ANO3: variants seen among roughly 807,000 people sequenced by gnomAD.
The protein encoded by ANO3 is anoctamin 3, also known as anoctamin-3.
Under a neutral mutation model 144.8 loss-of-function variants are expected in ANO3, and 99 were observed. The ratio of observed to expected loss-of-function variants is 0.68; its 90% CI spans 0.58 to 0.81. The LOEUF (loss-of-function observed/expected upper bound fraction) is 0.81, where lower values mean the gene tolerates loss of function less well. Among genes scored for constraint, ANO3 ranks in the 30% least tolerant of loss-of-function variants. The pLI, the probability that ANO3 is intolerant of heterozygous loss-of-function variation, is 0.00. For missense variants in ANO3, 905 were observed against 1,202.2 expected, an observed-to-expected ratio of 0.75 and a Z score of 3.66; for synonymous variants, 414 against 392.6, an observed-to-expected ratio of 1.05 and a Z score of -0.64.
intron 1 of ANO3, among the ~76,000 whole-genome samples, chr11:26,371,133 G>A (rs1468336921): frequency 6.6e-6 from 1 of 152,104 alleles, no homozygotes; most frequent in Non-Finnish European, 1.5e-5. Context: ...CAGGCCAAGG[G>A]GCATCCAGCT....
intron 21 of ANO3, 72 bp downstream of exon 21, chr11:26,639,313 G>A: frequency 8.7e-7 from 1 of 1,152,380 alleles, no homozygotes; most frequent in South Asian, 1.3e-5. Context: ...CGTGAGTAGT[G>A]CTTAAGAATT....
chr11:26,200,596 G>A (rs1203196392), intron 1 of ANO3, among the ~76,000 whole-genome samples: 1 of 152,104 alleles, frequency 6.6e-6, no homozygotes, highest in Non-Finnish European at 1.5e-5. Flanking sequence ...TAACTGATAG[G>A]TTATTGATAA....
Position 26,517,952 on chromosome 11 carries a change from A to G in ANO3, c.692+1025A>G, listed in dbSNP as rs1208194607. On this transcript the variant is annotated intron_variant, in intron 6 of 26. Coordinates refer to ENST00000256737, the MANE Select transcript of ANO3 (RefSeq NM_031418.4). Reference sequence around the variant, plus strand: ...AAACTACTAAGGAATCCTCTTGACAATATTAGAATTAAACACCTAAATTAG... The same window carrying G: ...AAACTACTAAGGAATCCTCTTGACAGTATTAGAATTAAACACCTAAATTAG... 2.0e-5 allele frequency among the ~76,000 whole-genome samples: 3 copies of G among 152,054 alleles called. No homozygotes were observed. The East Asian group carries it at 5.8e-4, about 29-fold the overall frequency.
Position 26,339,812 on chromosome 11 carries a change from G to A in ANO3, c.46+7491G>A, listed in dbSNP as rs563911925. On this transcript the variant is annotated intron_variant, in intron 1 of 26. Coordinates refer to ENST00000256737, the MANE Select transcript of ANO3 (RefSeq NM_031418.4). ...TGAAATAATATTCTTAACCTGTAGC[G>A]TATTAGTACAACCATCCTGGCTGTC... Among the ~76,000 whole-genome samples the A allele has an allele frequency of 4.6e-5, 7 of 152,256 alleles. No homozygotes were observed. In the South Asian group the frequency reaches 6.2e-4, roughly 14 times the overall value.
chr11:26,481,980 A>AGTCCTGG (rs1408970656), intron 4 of ANO3, among the ~76,000 whole-genome samples: 1 of 151,928 alleles, frequency 6.6e-6, no homozygotes, highest in Admixed American at 6.6e-5. Context: ...GCAGCCTCGA[A>AGTCCTGG]GTCCTGGGCT....
chr11:26,374,871 G>A (rs979065759), intron 1 of ANO3, among the ~76,000 whole-genome samples: 1 of 152,186 alleles, frequency 6.6e-6, no homozygotes, highest in Non-Finnish European at 1.5e-5. Flanking sequence ...AGCCTCCTGA[G>A]TAACTGGGAT....
intron 4 of ANO3, among the ~76,000 whole-genome samples, chr11:26,500,267 T>A (rs1861139841): frequency 6.6e-6 from 1 of 152,040 alleles, no homozygotes; most frequent in African/African-American, 2.4e-5. Context: ...TTATGAAAAT[T>A]GGTGTGCAAG....
chr11:26,236,615 A>G (rs914923624), intron 1 of ANO3, among the ~76,000 whole-genome samples: 115 of 152,140 alleles, frequency 7.6e-4, no homozygotes, highest in African/African-American at 1.5e-3. Flanking sequence ...TCAGGAGACC[A>G]AGACCATCCT....
chr11:26,391,657 G>GTTT (rs1438290504), intron 1 of ANO3, among the ~76,000 whole-genome samples: 1 of 152,058 alleles, frequency 6.6e-6, no homozygotes, highest in African/African-American at 2.4e-5. Context: ...TGCAATCTCT[G>GTTT]TGGATCTCTT....
intron 1 of ANO3, among the ~76,000 whole-genome samples, chr11:26,208,845 A>G (rs1851871948): frequency 6.6e-6 from 1 of 152,212 alleles, no homozygotes; most frequent in African/African-American, 2.4e-5. Context: ...AGTTTTGAAG[A>G]CATAAATATA....
At position 26,525,670 on chromosome 11, in the gene ANO3, CA is replaced by C. The variant is rs865944430; in HGVS notation, c.730del (p.Met244TrpfsTer30). On this transcript the variant is annotated frameshift_variant, in exon 7 of 27. Coordinates refer to ENST00000256737, the MANE Select transcript of ANO3 (RefSeq NM_031418.4). LOFTEE classifies it high-confidence loss of function. ...KCYYTDGRSK[S>X]MGRMQTYFRR... ...TATTACACTGACGGGAGGAGCAAAT[CA>C]ATGGGCAGGTTGGTGGGTGATGAAT... 6.2e-7 allele frequency: 1 copy of C among 1,609,362 alleles called. No individual in the cohort carries two copies. The highest frequency in any genetic ancestry group is 1.3e-5 in the African/African-American group (1 of 74,562).
chr11:26,421,167 A>C (rs1857740978), intron 1 of ANO3, among the ~76,000 whole-genome samples: 1 of 152,080 alleles, frequency 6.6e-6, no homozygotes, highest in East Asian at 1.9e-4. Flanking sequence ...TATGGAAATT[A>C]ATATCACCTA....
intron 18 of ANO3, among the ~76,000 whole-genome samples, chr11:26,630,673 C>T (rs1327061334): frequency 6.6e-6 from 1 of 152,148 alleles, no homozygotes; most frequent in Non-Finnish European, 1.5e-5. Context: ...AGGCATTTAG[C>T]CTTATGCCAC....
intron 1 of ANO3, among the ~76,000 whole-genome samples, chr11:26,389,971 G>A (rs867117609): frequency 3.9e-5 from 6 of 152,096 alleles, no homozygotes; most frequent in Middle Eastern, 6.8e-3. Flanking sequence ...TGTATGTAAC[G>A]GTCTGAATTG....
At chr11:26,481,892 T>TG (rs1435872619) in intron 4 of ANO3, among the ~76,000 whole-genome samples, 1 of 151,916 alleles carries the variant, frequency 6.6e-6, no homozygotes, top group Non-Finnish European at 1.5e-5. Flanking sequence ...TTTTCCTTTC[T>TG]TTTTTTTACT....
intron 1 of ANO3, among the ~76,000 whole-genome samples, chr11:26,264,140 G>T (rs564943214): frequency 4.8e-4 from 73 of 152,136 alleles, no homozygotes; most frequent in Admixed American, 2.0e-3. Flanking sequence ...TAGATTTCCT[G>T]GAAGATTCTG....
At chr11:26,261,095 T>C (rs1197809328) in intron 1 of ANO3, among the ~76,000 whole-genome samples, 1 of 152,202 alleles carries the variant, frequency 6.6e-6, no homozygotes, top group African/African-American at 2.4e-5. Context: ...ATCAACAAGA[T>C]GAGAGAATTT....
intron 1 of ANO3, among the ~76,000 whole-genome samples, chr11:26,283,312 A>T (rs1386240146): frequency 2.9e-5 from 2 of 68,486 alleles, no homozygotes; most frequent in African/African-American, 1.1e-4. Context: ...CAAAATAAAC[A>T]AATAAATAAA....
intron 1 of ANO3, among the ~76,000 whole-genome samples, chr11:26,274,744 G>C (rs1298811610): frequency 6.6e-6 from 1 of 152,006 alleles, no homozygotes; most frequent in Non-Finnish European, 1.5e-5. Flanking sequence ...TTGCACTTTG[G>C]AACTATGAAA....
Sources: allele counts gnomAD v4.1 joint callset (sites outside exome capture counted in the v4.1 genomes callset), GRCh38; gene constraint gnomAD v4.1.1; transcripts MANE v1.5; gene names NCBI Gene and HGNC (gene_info 2026-07-23, HGNC 2026-07-21).